CDH12: variants seen among roughly 807,000 people sequenced by gnomAD.
CDH12 encodes cadherin-12.
In CDH12, 41 loss-of-function variants were observed where a neutral mutation model predicts 74.1. The ratio of observed to expected loss-of-function variants is 0.55; its 90% CI spans 0.43 to 0.72. The LOEUF is 0.72. CDH12 is among the 30% of genes least tolerant of loss of function. The probability of loss-of-function intolerance (pLI) is 0.00; values close to 1 mark genes in which losing one functional copy is unlikely to be tolerated. For missense variants in CDH12, 945 were observed against 977.2 expected (o/e 0.97, Z 0.44); for synonymous variants, 399 against 355.0 (o/e 1.12, Z -1.39).
chr5:22,184,558 A>G (rs552874767), intron 4 of CDH12, among the ~76,000 whole-genome samples: 1 of 152,364 alleles, frequency 6.6e-6, no homozygotes, highest in East Asian at 1.9e-4. Flanking sequence ...CAAATGAAGA[A>G]TAACTGCCTT....
At chr5:22,438,039 A>G (rs528248840) in intron 2 of CDH12, among the ~76,000 whole-genome samples, 4 of 152,052 alleles carry the variant, frequency 2.6e-5, no homozygotes, top group Non-Finnish European at 5.9e-5. Context: ...GAAGCAAAGT[A>G]TCTTTACGTT....
At chr5:22,686,332 T>A (rs971008142) in intron 1 of CDH12, among the ~76,000 whole-genome samples, 10 of 152,314 alleles carry the variant, frequency 6.6e-5, no homozygotes, top group Admixed American at 1.3e-4. Context: ...CTATGGGTTG[T>A]CTTTCACTTT....
intron 1 of CDH12, among the ~76,000 whole-genome samples, chr5:22,676,864 A>G (rs1741219130): frequency 6.6e-6 from 1 of 152,174 alleles, no homozygotes; most frequent in Non-Finnish European, 1.5e-5. Flanking sequence ...AGTTAAGTGT[A>G]TATTTTTGTT....
chr5:22,623,801 T>C (rs1215827019), intron 1 of CDH12, among the ~76,000 whole-genome samples: 3 of 152,116 alleles, frequency 2.0e-5, no homozygotes, highest in Non-Finnish European at 4.4e-5. Context: ...CTTCACAGAA[T>C]TGGAAAAAAC....
intron 6 of CDH12, among the ~76,000 whole-genome samples, chr5:21,871,685 C>T (rs1391589145): frequency 2.0e-5 from 3 of 152,184 alleles, no homozygotes; most frequent in Non-Finnish European, 4.4e-5. Context: ...CGAGATTGCA[C>T]CACTGCACTC....
At chr5:22,118,101 T>G (rs2150271054) in intron 4 of CDH12, among the ~76,000 whole-genome samples, 1 of 152,230 alleles carries the variant, frequency 6.6e-6, no homozygotes, top group African/African-American at 2.4e-5. Flanking sequence ...GAAATATAAG[T>G]CAAGTATATC....
Position 22,047,847 on chromosome 5 carries a change from C to T in CDH12, c.231+30599G>A, listed in dbSNP as rs566854078. Among the ~76,000 whole-genome samples, 14 of 152,288 alleles carry T rather than the reference C, an allele frequency of 9.2e-5. No individual in the cohort carries two copies. The East Asian group carries it at 2.7e-3, about 29-fold the overall frequency. On this transcript the variant is annotated intron_variant, in intron 5 of 14. Coordinates refer to ENST00000382254, the MANE Select transcript of CDH12 (RefSeq NM_004061.5). ...TGTCCTACTTCTAAAATTCTCTCTT[C>T]ATCAAAGTCAGAATATGTGTGAGAT...
intron 8 of CDH12, among the ~76,000 whole-genome samples, chr5:21,841,137 C>T (rs1458887322): frequency 3.3e-5 from 5 of 152,130 alleles, no homozygotes; most frequent in East Asian, 1.9e-4. Context: ...CCAGAATCTA[C>T]GATGAACTCA....
intron 3 of CDH12, among the ~76,000 whole-genome samples, chr5:22,249,279 C>A (rs1176003988): frequency 6.6e-6 from 1 of 152,104 alleles, no homozygotes; most frequent in Non-Finnish European, 1.5e-5. Flanking sequence ...GGAAGCATAA[C>A]AATTTGCTAC....
At chr5:22,238,790 T>A (rs1171526157) in intron 3 of CDH12, among the ~76,000 whole-genome samples, 3 of 152,204 alleles carry the variant, frequency 2.0e-5, no homozygotes, top group African/African-American at 7.2e-5. Flanking sequence ...TACATTTTCA[T>A]TTAATCACAT....
intron 1 of CDH12, among the ~76,000 whole-genome samples, chr5:22,745,668 C>A (rs894734662): frequency 5.3e-5 from 8 of 152,022 alleles, no homozygotes; most frequent in Non-Finnish European, 1.2e-4. Context: ...AACAGAGGAA[C>A]ACAAAATAAA....
chr5:22,060,811 C>G (rs556580233), intron 5 of CDH12, among the ~76,000 whole-genome samples: 30 of 152,122 alleles, frequency 2.0e-4, no homozygotes, highest in African/African-American at 7.0e-4. Flanking sequence ...ATGCTTCTAC[C>G]CAGTAAAATA....
chr5:21,868,543 G>A (rs1278994926), intron 6 of CDH12, among the ~76,000 whole-genome samples: 1 of 152,202 alleles, frequency 6.6e-6, no homozygotes, highest in Non-Finnish European at 1.5e-5. Flanking sequence ...ACCCCCATGT[G>A]TGCAGACATT....
chr5:21,951,391 T>A (rs906685420), intron 6 of CDH12, among the ~76,000 whole-genome samples: 24 of 151,890 alleles, frequency 1.6e-4, no homozygotes, highest in Non-Finnish European at 2.4e-4. Context: ...TACGGCTAAT[T>A]TTTGTATTTT....
At chr5:21,840,587 A>G (rs968945091) in intron 8 of CDH12, among the ~76,000 whole-genome samples, 2 of 151,898 alleles carry the variant, frequency 1.3e-5, no homozygotes, top group African/African-American at 4.8e-5. Context: ...GAGGCATCAC[A>G]CTACCTGACT....
intron 3 of CDH12, among the ~76,000 whole-genome samples, chr5:22,307,234 A>G (rs1177173561): frequency 6.6e-6 from 1 of 152,220 alleles, no homozygotes; most frequent in East Asian, 1.9e-4. Context: ...ATGGCCATAC[A>G]GAAGAGCTGT....
At chr5:22,457,072 G>C (rs1745306719) in intron 2 of CDH12, among the ~76,000 whole-genome samples, 1 of 152,092 alleles carries the variant, frequency 6.6e-6, no homozygotes, top group Admixed American at 6.6e-5. Context: ...TCAGAGTTCA[G>C]ACACTGATCT....
intron 1 of CDH12, among the ~76,000 whole-genome samples, chr5:22,833,049 G>A (rs1386988882): frequency 6.6e-6 from 1 of 152,070 alleles, no homozygotes; most frequent in African/African-American, 2.4e-5. Flanking sequence ...ATGAATTTAA[G>A]TTTTGCATGC....
chr5:22,114,068 T>C (rs1008775623), intron 4 of CDH12, among the ~76,000 whole-genome samples: 3 of 152,246 alleles, frequency 2.0e-5, no homozygotes, highest in African/African-American at 7.2e-5. Context: ...TCTCACTGGG[T>C]GACCCAGCCC....
Sources: gnomAD v4.1 joint callset for allele counts (sites outside exome capture counted in the v4.1 genomes callset) on GRCh38, gnomAD v4.1.1 for gene constraint, MANE v1.5 for transcripts, NCBI Gene and HGNC (gene_info 2026-07-23, HGNC 2026-07-21) for gene names.